PCDHGA12: variants seen among roughly 807,000 people sequenced by gnomAD.
The protein encoded by PCDHGA12 is protocadherin gamma-A12.
A neutral mutation model predicts 61.1 loss-of-function variants in PCDHGA12; 43 were observed. The ratio of observed to expected loss-of-function variants is 0.70; its 90% CI spans 0.55 to 0.91. The LOEUF (loss-of-function observed/expected upper bound fraction) is 0.91, where lower values mean the gene tolerates loss of function less well. Ranked by LOEUF, PCDHGA12 falls within the 40% of genes least tolerant of loss-of-function variation. PCDHGA12 has a pLI of 0.00. For missense variants in PCDHGA12, 1,236 were observed against 1,227.7 expected, an observed-to-expected ratio of 1.01 and a Z score of -0.10; for synonymous variants, 520 against 542.9, an observed-to-expected ratio of 0.96 and a Z score of 0.59.
At position 141,478,876 on chromosome 5, in the gene PCDHGA12, C is replaced by A. The variant is rs2099482470; in HGVS notation, c.2425-15931C>A. 30 of 1,265,748 alleles carry A rather than the reference C, an allele frequency of 2.4e-5. No individual in the cohort carries two copies. The South Asian group carries it at 4.7e-4, about 20-fold the overall frequency. 78.4% of individuals were successfully genotyped at this position (1,265,748 alleles called of 1,614,324 possible). On this transcript the variant is annotated intron_variant, in intron 1 of 3. Transcript: ENST00000252085. ...CAAGATCTCAGCGATCAGAGTTTAGCTTGGTATCATTTACATTAGGAATAA... is the reference window on the plus strand; with the variant it reads ...CAAGATCTCAGCGATCAGAGTTTAGATTGGTATCATTTACATTAGGAATAA...
chr5:141,487,355 G>A lies in PCDHGA12; in HGVS notation c.2425-7452G>A. ...AGCCTGTGGAGTCACATGCTTTCCT[G>A]CTGGCACCTGTGCCTGTCTCACCAG... On this transcript the variant is annotated intron_variant, in intron 1 of 3. Coordinates refer to ENST00000252085, the MANE Select transcript of PCDHGA12 (RefSeq NM_003735.3). This position sits in a 1 kb window ranked among gnomAD's most constrained non-coding sequence, Gnocchi z 5.0. 1 of 1,614,150 alleles carries A rather than the reference G, an allele frequency of 6.2e-7. No homozygotes were observed. Among genetic ancestry groups the A allele is most frequent in the South Asian group, 1.1e-5 (1 of 91,090 alleles).
At chr5:141,443,055 C>G (rs994152277) in intron 1 of PCDHGA12, among the ~76,000 whole-genome samples, 1 of 152,208 alleles carries the variant, frequency 6.6e-6, no homozygotes, top group Non-Finnish European at 1.5e-5. Flanking sequence ...TATTGTTCCA[C>G]TGAAGAGCGT....
intron 1 of PCDHGA12, among the ~76,000 whole-genome samples, chr5:141,469,120 T>C (rs188113354): frequency 6.6e-6 from 1 of 151,574 alleles, no homozygotes; most frequent in East Asian, 1.9e-4. Context: ...CTAAAAAAAT[T>C]TAAAAATTAG....
chr5:141,447,449 C>A (rs2098539583), intron 1 of PCDHGA12, among the ~76,000 whole-genome samples: 1 of 152,058 alleles, frequency 6.6e-6, no homozygotes, highest in Non-Finnish European at 1.5e-5. Flanking sequence ...AAATTTTTAA[C>A]CTCAGTTTTT....
Position 141,491,883 on chromosome 5 carries a change from G to T in PCDHGA12, c.2425-2924G>T. On this transcript the variant is annotated intron_variant, in intron 1 of 3. Transcript: ENST00000252085. The surrounding 1 kb of genome is among the most constrained non-coding windows in gnomAD (Gnocchi z 6.9). The stretch of plus-strand genomic sequence containing the variant: ...AAACCAGAGTGGCCGATTAAGGGAT[G>T]GGGCTCCGAGCACCGGGGGTGGTGG... 1 of 1,446,756 alleles carries T rather than the reference G, an allele frequency of 6.9e-7. No individual in the cohort carries two copies. Among genetic ancestry groups the T allele is most frequent in the South Asian group, 1.5e-5 (1 of 67,644 alleles). 89.6% of individuals were successfully genotyped at this position (1,446,756 alleles called of 1,614,324 possible). A position where few individuals can be genotyped will look rare whatever the true frequency, so the allele number is the denominator to read the frequency against.
chr5:141,508,740 C>G (rs2099871405), intron 3 of PCDHGA12, among the ~76,000 whole-genome samples: 1 of 152,006 alleles, frequency 6.6e-6, no homozygotes. Flanking sequence ...CACCCCCCAC[C>G]CCGCTCTTTC....
Position 141,485,931 on chromosome 5 carries a change from A to C in PCDHGA12, c.2425-8876A>C, listed in dbSNP as rs761979804. 3 of 1,614,192 alleles carry C rather than the reference A, an allele frequency of 1.9e-6. No individual in the cohort carries two copies. In the South Asian group the frequency reaches 3.3e-5, roughly 18 times the overall value. On this transcript the variant is annotated intron_variant, in intron 1 of 3. Transcript: ENST00000252085. This position sits in a 1 kb window ranked among gnomAD's most constrained non-coding sequence, Gnocchi z 5.7. Reference sequence around the variant, plus strand: ...TCCAGCTACAGGATTAGTGTGTTGGAGAGCGCACCAGCGGGCATGGTGCTC... The same window carrying C: ...TCCAGCTACAGGATTAGTGTGTTGGCGAGCGCACCAGCGGGCATGGTGCTC...
rs1387677265 is a variant in PCDHGA12 at position 141,486,434 on chromosome 5, T to C, written c.2425-8373T>C. 3 of 1,614,150 alleles carry C rather than the reference T, an allele frequency of 1.9e-6. No homozygotes were observed. The highest frequency in any genetic ancestry group is 2.5e-6 in the Non-Finnish European group (3 of 1,179,986). The stretch of plus-strand genomic sequence containing the variant: ...CTTGGATCGAGAGGCCAAATCTAGC[T>C]ATGACATCATGGTCACTGCTTCTGA... On this transcript the variant is annotated intron_variant, in intron 1 of 3. Coordinates refer to ENST00000252085, the MANE Select transcript of PCDHGA12 (RefSeq NM_003735.3). This position sits in a 1 kb window ranked among gnomAD's most constrained non-coding sequence, Gnocchi z 5.0.
At position 141,490,207 on chromosome 5, in the gene PCDHGA12, C is replaced by G. The variant is rs142098675; in HGVS notation, c.2425-4600C>G. ...TTTCTATGAAATTCATGCAAGAGCC[C>G]GTGACCAGGGACAGCCTGCCATGGA... On this transcript the variant is annotated intron_variant, in intron 1 of 3. Coordinates refer to ENST00000252085, the MANE Select transcript of PCDHGA12 (RefSeq NM_003735.3). This position sits in a 1 kb window ranked among gnomAD's most constrained non-coding sequence, Gnocchi z 5.4. 2.9e-4 allele frequency: 470 copies of G among 1,614,056 alleles called. 1 individual carries two copies. Among genetic ancestry groups the G allele is most frequent in the Non-Finnish European group, 3.7e-4 (439 of 1,180,030 alleles).
rs1210499024 is a variant in PCDHGA12 at position 141,431,784 on chromosome 5, A to T, written c.1025A>T (p.Asp342Val). ...CTGATCACTGTTCTGGACGTGAACG[A>T]CAATGCCCCAGAAGTGGTCCTCACC... Reference protein sequence around the residue: ...KVLITVLDVNDNAPEVVLTSL... With the variant: ...KVLITVLDVNVNAPEVVLTSL... The change falls in exon 1 of 4, where the codon GAC becomes GTC. Residue 342 changes from aspartate to valine, a missense_variant. Transcript: ENST00000252085. This position sits in a 1 kb window ranked among gnomAD's most constrained non-coding sequence, Gnocchi z 4.8. The T allele has an allele frequency of 6.2e-7, 1 of 1,614,102 alleles. No homozygotes were observed. The highest frequency in any genetic ancestry group is 8.5e-7 in the Non-Finnish European group (1 of 1,180,030).
chr5:141,432,016 C>G lies in PCDHGA12; in HGVS notation c.1257C>G (p.Asn419Lys). 1 of 1,614,202 alleles carries G rather than the reference C, an allele frequency of 6.2e-7. No individual in the cohort carries two copies. The highest frequency in any genetic ancestry group is 1.1e-5 in the South Asian group (1 of 91,082). Reference protein sequence around the residue: ...VLDREQVPSYNITVTATDRGT... With the variant: ...VLDREQVPSYKITVTATDRGT... ...ATAGGGAACAGGTTCCTAGCTACAACATCACAGTGACCGCCACTGACCGGG... is the reference window on the plus strand; with the variant it reads ...ATAGGGAACAGGTTCCTAGCTACAAGATCACAGTGACCGCCACTGACCGGG... Residue 419 changes from asparagine (N) to lysine (K), a missense_variant, in exon 1 of 4, where the codon AAC becomes AAG. By Grantham distance (94) the Asn-to-Lys change is moderately conservative (BLOSUM62 0). Coordinates refer to ENST00000252085, the MANE Select transcript of PCDHGA12 (RefSeq NM_003735.3). The surrounding 1 kb of genome is among the most constrained non-coding windows in gnomAD (Gnocchi z 6.0).
intron 1 of PCDHGA12, among the ~76,000 whole-genome samples, chr5:141,435,953 G>A (rs2097789156): frequency 6.6e-6 from 1 of 151,984 alleles, no homozygotes; most frequent in Non-Finnish European, 1.5e-5. Context: ...CAAAAAAGGG[G>A]GCAAAATATA....
Position 141,487,501 on chromosome 5 carries a change from T to A in PCDHGA12, c.2425-7306T>A. 1 of 1,614,232 alleles carries A rather than the reference T, an allele frequency of 6.2e-7. No individual in the cohort carries two copies. Among genetic ancestry groups the A allele is most frequent in the Non-Finnish European group, 8.5e-7 (1 of 1,180,036 alleles). On this transcript the variant is annotated intron_variant, in intron 1 of 3. Transcript: ENST00000252085. This position sits in a 1 kb window ranked among gnomAD's most constrained non-coding sequence, Gnocchi z 5.0. ...ACTCTCATGGCTGTACACCCTTGGC[T>A]TCTGCACCCACTCGGAGTGATAGCT...
chr5:141,510,272 TAAAA>T (rs546154379), intron 3 of PCDHGA12, among the ~76,000 whole-genome samples: 1 of 130,390 alleles, frequency 7.7e-6, no homozygotes, highest in East Asian at 2.2e-4. Context: ...GACTCCATCT[TAAAA>T]AAAAAAAAAA....
rs761227475 is a variant in PCDHGA12 at position 141,489,382 on chromosome 5, G to A, written c.2425-5425G>A. 4 of 1,613,872 alleles carry A rather than the reference G, an allele frequency of 2.5e-6. No homozygotes were observed. The highest frequency in any genetic ancestry group is 1.7e-5 in the Admixed American group (1 of 60,006). On this transcript the variant is annotated intron_variant, in intron 1 of 3. Coordinates refer to ENST00000252085, the MANE Select transcript of PCDHGA12 (RefSeq NM_003735.3). The surrounding 1 kb of genome is among the most constrained non-coding windows in gnomAD (Gnocchi z 4.5). ...TGAGCCGGGGACGCTGGTGGGGAATGTTGCTCAGGATCTGGGCTTAAAGAT... is the reference window on the plus strand; with the variant it reads ...TGAGCCGGGGACGCTGGTGGGGAATATTGCTCAGGATCTGGGCTTAAAGAT...
chr5:141,495,077 C>T (rs1237589417), intron 2 of PCDHGA12, among the ~76,000 whole-genome samples: 4 of 152,180 alleles, frequency 2.6e-5, no homozygotes, highest in African/African-American at 9.7e-5. Flanking sequence ...AATTCACATG[C>T]TTGCCCCTTC....
chr5:141,510,893 G>C (rs1334514746), intron 3 of PCDHGA12, 54 bp from the exon 4 acceptor site: 1 of 1,612,722 alleles, frequency 6.2e-7, no homozygotes, highest in African/African-American at 1.3e-5. Context: ...ATAAGACAGT[G>C]ACTGTTGAGG....
rs752401867 is a variant in PCDHGA12, at chr5:141,511,224, G to A, written c.*51G>A. On this transcript the variant is annotated 3_prime_UTR_variant, in exon 4 of 4. Transcript: ENST00000252085. ...GGGCGGCCTCTCCCCAACCAGCCCA[G>A]CTTCTCCTTACCTGCACCCAGGCCT... 1.2e-6 allele frequency: 2 copies of A among 1,603,276 alleles called. No homozygotes were observed.
In PCDHGA12 at chr5:141,490,376, C is replaced by T. The variant is rs761956816; in HGVS notation, c.2425-4431C>T. 2 of 1,614,184 alleles carry T rather than the reference C, an allele frequency of 1.2e-6. No individual in the cohort carries two copies. The highest frequency in any genetic ancestry group is 1.7e-6 in the Non-Finnish European group (2 of 1,180,036). ...TTGTTTAATGTGCGAGACCGGGACT[C>T]AGGTAGAAATGGTGAAGTGAGCCTT... is the stretch of plus-strand genomic sequence containing the variant. On this transcript the variant is annotated intron_variant, in intron 1 of 3. Transcript: ENST00000252085. The surrounding 1 kb of genome is among the most constrained non-coding windows in gnomAD (Gnocchi z 5.4).
Sources: allele counts gnomAD v4.1 joint callset (sites outside exome capture counted in the v4.1 genomes callset), GRCh38; gene constraint gnomAD v4.1.1; non-coding constraint Gnocchi (gnomAD v3.1); transcripts MANE v1.5; gene names NCBI Gene and HGNC (gene_info 2026-07-23, HGNC 2026-07-21).